CASK: variants seen among roughly 807,000 people sequenced by gnomAD.
CASK encodes peripheral plasma membrane protein CASK.
In CASK, 4 loss-of-function variants were observed where a neutral mutation model predicts 82.9. The observed-to-expected ratio is 0.05, with a 90% CI of 0.02 to 0.11. The LOEUF is 0.11. Among genes scored for constraint, CASK ranks in the 10% least tolerant of loss-of-function variants. CASK has a pLI of 1.00. For missense variants in CASK, 358 were observed against 720.9 expected (o/e 0.50, Z 5.76); for synonymous variants, 259 against 253.5 (o/e 1.02, Z -0.20).
chrX:41,764,580 G>A (rs1237755070), intron 3 of CASK, among the ~76,000 whole-genome samples: 1 of 111,491 alleles, frequency 9.0e-6, no homozygotes, highest in Admixed American at 9.6e-5. Context: ...CATATATCAG[G>A]TGCCCAAGCC....
intron 22 of CASK, among the ~76,000 whole-genome samples, chrX:41,537,831 T>C (rs1004102562): frequency 8.1e-5 from 8 of 98,775 alleles, no homozygotes; most frequent in African/African-American, 3.2e-4. Flanking sequence ...ATTATTATTA[T>C]TATTATTATT....
chrX:41,869,890 A>G (rs1237162663), intron 1 of CASK, among the ~76,000 whole-genome samples: 1 of 107,495 alleles, frequency 9.3e-6, no homozygotes, highest in Non-Finnish European at 1.9e-5. Context: ...AGCTGAATAA[A>G]ATTAATGAAG....
intron 1 of CASK, among the ~76,000 whole-genome samples, chrX:41,873,610 G>A: frequency 9.0e-6 from 1 of 110,816 alleles, no homozygotes; most frequent in East Asian, 2.8e-4. Flanking sequence ...ATAACAAAAA[G>A]TATATCTACT....
chrX:41,568,658 C>T (rs1397262279), intron 16 of CASK, among the ~76,000 whole-genome samples: 2 of 111,845 alleles, frequency 1.8e-5, no homozygotes, highest in Non-Finnish European at 3.8e-5. Context: ...TCCACATATC[C>T]AAACCCTGCC....
intron 1 of CASK, among the ~76,000 whole-genome samples, chrX:41,863,565 C>T (rs2071533366): frequency 8.9e-6 from 1 of 112,454 alleles, no homozygotes; most frequent in Non-Finnish European, 1.9e-5. Flanking sequence ...AGGAACACTC[C>T]TCTTAAGGCT....
At chrX:41,567,903 G>A (rs1002886273) in intron 16 of CASK, among the ~76,000 whole-genome samples, 1 of 111,093 alleles carries the variant, frequency 9.0e-6, no homozygotes, top group African/African-American at 3.3e-5. Context: ...GGAATACTAT[G>A]CAGCCATAAA....
chrX:41,651,131 TA>T (rs749475013), intron 8 of CASK, among the ~76,000 whole-genome samples: 19 of 112,324 alleles, frequency 1.7e-4, no homozygotes, highest in African/African-American at 5.5e-4. Flanking sequence ...TTTCCAAAAA[TA>T]AATATGCTAT....
chrX:41,547,034 G>A (rs1437767098), intron 21 of CASK, among the ~76,000 whole-genome samples: 4 of 110,760 alleles, frequency 3.6e-5, no homozygotes, highest in African/African-American at 1.3e-4. Flanking sequence ...GGGTTCCAGC[G>A]ATTCTCCTGT....
chrX:41,881,010 G>C (rs1174334225), intron 1 of CASK, among the ~76,000 whole-genome samples: 1 of 111,362 alleles, frequency 9.0e-6, no homozygotes, highest in Admixed American at 9.6e-5. Context: ...ACCGCATCCA[G>C]CTATACTAAC....
At chrX:41,713,016 TGTGA>T (rs894528865) in intron 5 of CASK, among the ~76,000 whole-genome samples, 21 of 111,616 alleles carry the variant, frequency 1.9e-4, no homozygotes, top group South Asian at 7.6e-4. Flanking sequence ...GGGAGACTGA[TGTGA>T]GTAATAATAA....
chrX:41,727,247 A>G (rs772222819), intron 5 of CASK: 6 of 1,204,036 alleles, frequency 5.0e-6, no homozygotes, highest in Non-Finnish European at 6.7e-6. Flanking sequence ...ATGAGTATCT[A>G]TTTCCTGAAA....
chrX:41,646,713 G>C (rs910353272), intron 8 of CASK, among the ~76,000 whole-genome samples: 1 of 111,806 alleles, frequency 8.9e-6, no homozygotes, highest in Non-Finnish European at 1.9e-5. Flanking sequence ...TTCCCATACA[G>C]AGTTGTGTTA....
intron 21 of CASK, among the ~76,000 whole-genome samples, chrX:41,547,874 C>T (rs1029918565): frequency 6.2e-5 from 7 of 112,014 alleles, no homozygotes; most frequent in East Asian, 5.6e-4. Flanking sequence ...CCGCCTGCCT[C>T]GGCCTCCCAA....
chrX:41,715,355 C>T (rs2068042167), intron 5 of CASK, among the ~76,000 whole-genome samples: 1 of 111,855 alleles, frequency 8.9e-6, no homozygotes, highest in Non-Finnish European at 1.9e-5. Flanking sequence ...CGTGGTGGCT[C>T]ATGCCTGTAA....
intron 22 of CASK, 107 bp downstream of exon 22, chrX:41,542,584 T>C: frequency 3.8e-6 from 2 of 523,951 alleles, no homozygotes; most frequent in Non-Finnish European, 6.7e-6. Flanking sequence ...TCTCATATGG[T>C]AGAATTTTTT....
intron 8 of CASK, among the ~76,000 whole-genome samples, chrX:41,648,000 A>C (rs1244494513): frequency 1.8e-5 from 2 of 112,426 alleles, no homozygotes; most frequent in African/African-American, 6.5e-5. Context: ...TGTTCAAGGA[A>C]TACGAGAGAT....
intron 25 of CASK, 141 bp from the exon 26 acceptor site, chrX:41,524,175 T>A (rs2064678550): frequency 2.1e-6 from 1 of 486,050 alleles, no homozygotes; most frequent in African/African-American, 2.4e-5. Context: ...TTATTAAATT[T>A]ACCAACTTTA....
Position 41,907,705 on chromosome X carries a change from G to A in CASK, c.59+15225C>T, listed in dbSNP as rs757896400. Among the ~76,000 whole-genome samples the A allele has an allele frequency of 7.7e-4, 86 of 111,652 alleles. No individual in the cohort carries two copies. The Middle Eastern group carries it at 0.014, about 18-fold the overall frequency. On this transcript the variant is annotated intron_variant, in intron 1 of 26. Coordinates refer to ENST00000378163, the MANE Select transcript of CASK (RefSeq NM_001367721.1). ...GTGACTACAGCACTCCAGGACAAGG[G>A]TAACAATTTTCCAGAAGGGATGGCA...
intron 2 of CASK, among the ~76,000 whole-genome samples, chrX:41,796,598 C>A (rs886984922): frequency 5.4e-5 from 6 of 112,078 alleles, no homozygotes; most frequent in Non-Finnish European, 1.1e-4. Flanking sequence ...TAGACACACT[C>A]AAAATGTTTA....
Sources: gnomAD v4.1 joint callset for allele counts (sites outside exome capture counted in the v4.1 genomes callset) on GRCh38, gnomAD v4.1.1 for gene constraint, MANE v1.5 for transcripts, NCBI Gene and HGNC (gene_info 2026-07-23, HGNC 2026-07-21) for gene names.